SLC17A2: variants seen among roughly 807,000 people sequenced by gnomAD.
The protein encoded by SLC17A2 is sodium-dependent phosphate transport protein 3.
A neutral mutation model predicts 52.1 loss-of-function variants in SLC17A2; 38 were observed. The ratio of observed to expected loss-of-function variants is 0.73; its 90% CI spans 0.56 to 0.96. The LOEUF is 0.96. SLC17A2 is among the 40% of genes least tolerant of loss of function. SLC17A2 has a pLI of 0.00. For synonymous variants in SLC17A2, 226 were observed against 211.9 expected (o/e 1.07, Z -0.58); for missense variants, 508 against 583.9 (o/e 0.87, Z 1.34).
intron 10 of SLC17A2, 35 bp downstream of exon 10, chr6:25,915,464 T>TCTG: frequency 6.5e-7 from 1 of 1,534,282 alleles, no homozygotes; most frequent in Non-Finnish European, 8.8e-7. Flanking sequence ...TCTGGAGGGG[T>TCTG]CTGGAGGAGG....
intron 2 of SLC17A2, among the ~76,000 whole-genome samples, chr6:25,924,808 C>CAAAAAAAA (rs33975030): frequency 7.4e-6 from 1 of 135,080 alleles, no homozygotes; most frequent in African/African-American, 2.7e-5. Flanking sequence ...GACTCAATCT[C>CAAAAAAAA]AAAAAAAAAA....
rs766352177 is a variant in SLC17A2 at position 25,919,699 on chromosome 6, C to CAAAAAAAAAAAAAAAAAAAAAA, written c.563-1148_563-1127dup. ...TGGGCGAAAGAGTGAGACACCGTCT[C>CAAAAAAAAAAAAAAAAAAAAAA]AAAAAAAAAAAAAAAAAAAAAAAAA... On this transcript the variant is annotated intron_variant, in intron 5 of 11. Coordinates refer to ENST00000377850, the MANE Select transcript of SLC17A2 (RefSeq NM_001286123.3). Among the ~76,000 whole-genome samples the CAAAAAAAAAAAAAAAAAAAAAA allele has an allele frequency of 1.1e-3, 34 of 31,152 alleles. 4 individuals carry two copies. Among genetic ancestry groups the CAAAAAAAAAAAAAAAAAAAAAA allele is most frequent in the Non-Finnish European group, 1.6e-3 (26 of 16,098 alleles). The allele number at this position is 31,152 out of a possible 152,430, so 20.4% of individuals were successfully genotyped here. A position where few individuals can be genotyped will look rare whatever the true frequency, so the allele number is the denominator to read the frequency against.
At chr6:25,919,270 G>A (rs1204701680) in intron 5 of SLC17A2, among the ~76,000 whole-genome samples, 1 of 151,834 alleles carries the variant, frequency 6.6e-6, no homozygotes, top group Admixed American at 6.6e-5. Flanking sequence ...TTAAAATAAT[G>A]ATTTTAACCC....
intron 1 of SLC17A2, among the ~76,000 whole-genome samples, chr6:25,929,396 C>G (rs1019233342): frequency 3.3e-5 from 5 of 152,190 alleles, no homozygotes; most frequent in Non-Finnish European, 4.4e-5. Context: ...ATACTAGCAA[C>G]AGCAATAATA....
rs766352177 is a variant in SLC17A2, at chr6:25,919,699, C to CAAAAAAAAAAAAAAAAAAAAAAAAA, written c.563-1151_563-1127dup. Among the ~76,000 whole-genome samples the CAAAAAAAAAAAAAAAAAAAAAAAAA allele has an allele frequency of 3.5e-4, 11 of 31,144 alleles. 2 individuals carry two copies. Among genetic ancestry groups the CAAAAAAAAAAAAAAAAAAAAAAAAA allele is most frequent in the Non-Finnish European group, 5.6e-4 (9 of 16,098 alleles). 20.4% of individuals were successfully genotyped at this position (31,144 alleles called of 152,430 possible). A position where few individuals can be genotyped will look rare whatever the true frequency, so the allele number is the denominator to read the frequency against. On this transcript the variant is annotated intron_variant, in intron 5 of 11. Transcript: ENST00000377850. ...TGGGCGAAAGAGTGAGACACCGTCT[C>CAAAAAAAAAAAAAAAAAAAAAAAAA]AAAAAAAAAAAAAAAAAAAAAAAAA...
rs759858394 is a variant in SLC17A2 at position 25,916,981 on chromosome 6, T to C, written c.756A>G (p.Ser252=). The change falls in exon 7 of 12, where the codon TCA becomes TCG. Residue 252 remains serine (S), a synonymous_variant. Coordinates refer to ENST00000377850, the MANE Select transcript of SLC17A2 (RefSeq NM_001286123.3). ...GTGTGCACTGTACCTGTTGAGCCAG[T>C]GAGGACAGGATGTGCTCCTTTTCCC... The part of the protein sequence containing the change: ...SVREKEHILS[S]LAQQPSSPGR... 1.9e-6 allele frequency: 3 copies of C among 1,613,742 alleles called. No homozygotes were observed. Among genetic ancestry groups the C allele is most frequent in the South Asian group, 2.2e-5 (2 of 91,072 alleles).
chr6:25,925,285 C>T (rs1020927110), intron 2 of SLC17A2, among the ~76,000 whole-genome samples: 4 of 151,884 alleles, frequency 2.6e-5, no homozygotes, highest in Non-Finnish European at 5.9e-5. Context: ...AGGCCGAGGC[C>T]GGTGGATCAC....
In SLC17A2 at chr6:25,923,822, A is replaced by T; in HGVS notation, c.113T>A (p.Leu38Gln). ...CACCATGGCGATGATCGCAATGCTC[A>T]GACTCACACGCTGCGTTATCATGGT... The part of the protein sequence containing the change: ...NFTMITQRVS[L>Q]SIAIIAMVNT... Residue 38 changes from leucine to glutamine, a missense_variant, in exon 3 of 12, where the codon CTG becomes CAG. Physicochemically the swap from Leu to Gln is moderately radical, Grantham distance 113. Transcript: ENST00000377850. The T allele has an allele frequency of 5.0e-6, 8 of 1,614,226 alleles. No individual in the cohort carries two copies. The highest frequency in any genetic ancestry group is 6.8e-6 in the Non-Finnish European group (8 of 1,180,024).
intron 2 of SLC17A2, among the ~76,000 whole-genome samples, chr6:25,925,467 C>T (rs888936526): frequency 1.1e-4 from 17 of 148,568 alleles, no homozygotes; most frequent in Non-Finnish European, 1.8e-4. Context: ...GAGCCGAGAT[C>T]GCACCACTGC....
At chr6:25,927,877 T>C (rs901726174) in intron 1 of SLC17A2, among the ~76,000 whole-genome samples, 3 of 152,212 alleles carry the variant, frequency 2.0e-5, no homozygotes, top group Non-Finnish European at 2.9e-5. Flanking sequence ...AGCTCATTGC[T>C]CTACACTCAG....
At chr6:25,914,956 C>T (rs1766245541) in intron 10 of SLC17A2, among the ~76,000 whole-genome samples, 1 of 151,668 alleles carries the variant, frequency 6.6e-6, no homozygotes, top group African/African-American at 2.4e-5. Flanking sequence ...ACACAGACTC[C>T]AAAGCCAGAC....
At chr6:25,920,925 C>T in intron 5 of SLC17A2, 81 bp downstream of exon 5, 17 of 1,347,094 alleles carry the variant, frequency 1.3e-5, no homozygotes, top group Non-Finnish European at 1.8e-5. Flanking sequence ...TCTCTCTTCC[C>T]CAAACCATTT....
chr6:25,930,009 G>C (rs1344320285), intron 1 of SLC17A2, among the ~76,000 whole-genome samples: 1 of 152,152 alleles, frequency 6.6e-6, no homozygotes, highest in Non-Finnish European at 1.5e-5. Context: ...GTGGAGACAG[G>C]GTTTCACCAT....
intron 5 of SLC17A2, 45 bp from the exon 6 acceptor site, chr6:25,918,618 T>G (rs1766421153): frequency 7.6e-7 from 1 of 1,320,760 alleles, no homozygotes; most frequent in Non-Finnish European, 1.1e-6. Flanking sequence ...TATCAAAGGC[T>G]GAGACTTCGT....
At chr6:25,914,711 C>CAGAAAG in intron 10 of SLC17A2, 41 bp from the exon 11 acceptor site, 1 of 1,251,892 alleles carries the variant, frequency 8.0e-7, no homozygotes, top group Non-Finnish European at 1.2e-6. Flanking sequence ...ATATAGAAAG[C>CAGAAAG]CACCTACAGC....
chr6:25,929,952 C>A (rs1435759494), intron 1 of SLC17A2, among the ~76,000 whole-genome samples: 1 of 152,100 alleles, frequency 6.6e-6, no homozygotes, highest in Non-Finnish European at 1.5e-5. Context: ...ACTATGCATG[C>A]GCATAGGTGC....
At chr6:25,920,965 G>A (rs1766529195) in intron 5 of SLC17A2, 41 bp downstream of exon 5, 1 of 1,543,440 alleles carries the variant, frequency 6.5e-7, no homozygotes, top group South Asian at 1.1e-5. Context: ...ACAGTGGGAT[G>A]GAACAGATGA....
At position 25,914,261 on chromosome 6, in the gene SLC17A2, G is replaced by A. The variant is rs527862813; in HGVS notation, c.1302+319C>T. Among the ~76,000 whole-genome samples the A allele has an allele frequency of 2.6e-5, 4 of 152,064 alleles. No individual in the cohort carries two copies. In the South Asian group the frequency reaches 6.2e-4, roughly 24 times the overall value. Reference sequence around the variant, plus strand: ...GATCTTCTTTTGCCCCTCTGTCTTCGTCTCTTGCTATTCCTTGACATGTGT... The same window carrying A: ...GATCTTCTTTTGCCCCTCTGTCTTCATCTCTTGCTATTCCTTGACATGTGT... On this transcript the variant is annotated intron_variant, in intron 11 of 11. Transcript: ENST00000377850.
chr6:25,920,486 C>T (rs970115071), intron 5 of SLC17A2, among the ~76,000 whole-genome samples: 1 of 152,184 alleles, frequency 6.6e-6, no homozygotes, highest in Non-Finnish European at 1.5e-5. Flanking sequence ...TAACTCCCTT[C>T]TCTGTAAAAT....
Sources: allele counts gnomAD v4.1 joint callset (sites outside exome capture counted in the v4.1 genomes callset), GRCh38; gene constraint gnomAD v4.1.1; transcripts MANE v1.5; gene names NCBI Gene and HGNC (gene_info 2026-07-23, HGNC 2026-07-21).